DPP10: variants seen among roughly 807,000 people sequenced by gnomAD.
DPP10 encodes the protein inactive dipeptidyl peptidase 10.
A neutral mutation model predicts 120.9 loss-of-function variants in DPP10; 33 were observed. That is an observed-to-expected ratio of 0.27 (90% CI 0.21 to 0.37). DPP10 has a LOEUF of 0.37. DPP10 is among the 10% of genes least tolerant of loss of function. The probability of loss-of-function intolerance (pLI) is 1.00; values close to 1 mark genes in which losing one functional copy is unlikely to be tolerated. For missense variants in DPP10, 816 were observed against 942.8 expected (o/e 0.87, Z 1.76); for synonymous variants, 337 against 326.1 (o/e 1.03, Z -0.36).
At chr2:115,479,671 A>AT (rs2075310087) in intron 3 of DPP10, among the ~76,000 whole-genome samples, 2 of 152,132 alleles carry the variant, frequency 1.3e-5, no homozygotes, top group African/African-American at 4.8e-5. Context: ...TTTTGATGTG[A>AT]TAAAATATGG....
chr2:115,776,503 C>A (rs537881170), intron 13 of DPP10, among the ~76,000 whole-genome samples: 8 of 152,140 alleles, frequency 5.3e-5, no homozygotes, highest in Non-Finnish European at 8.8e-5. Context: ...TTTTCTTTAT[C>A]CAGTCTATCA....
At chr2:115,658,985 G>T (rs921748852) in intron 5 of DPP10, among the ~76,000 whole-genome samples, 1 of 152,076 alleles carries the variant, frequency 6.6e-6, no homozygotes, top group African/African-American at 2.4e-5. Flanking sequence ...TAATCCCGAA[G>T]CACCAGTGTT....
chr2:115,232,820 G>A (rs964401405), intron 1 of DPP10, among the ~76,000 whole-genome samples: 8 of 152,110 alleles, frequency 5.3e-5, no homozygotes, highest in African/African-American at 1.7e-4. Flanking sequence ...TTATTCAGTA[G>A]TTAACATGTG....
intron 25 of DPP10, among the ~76,000 whole-genome samples, chr2:115,841,100 A>G (rs571209781): frequency 6.6e-6 from 1 of 151,716 alleles, no homozygotes; most frequent in Non-Finnish European, 1.5e-5. Flanking sequence ...ACAAGTTTCT[A>G]CTTCCCTTCT....
intron 1 of DPP10, among the ~76,000 whole-genome samples, chr2:114,661,966 G>A (rs563919389): frequency 8.7e-4 from 131 of 151,278 alleles, no homozygotes; most frequent in Non-Finnish European, 1.3e-3. Context: ...GGATCGCGCC[G>A]TTGCACTCCA....
intron 1 of DPP10, among the ~76,000 whole-genome samples, chr2:114,867,710 C>T (rs1390035208): frequency 6.6e-6 from 1 of 152,204 alleles, no homozygotes; most frequent in Non-Finnish European, 1.5e-5. Flanking sequence ...CATGCCTCCA[C>T]GATGTCATGG....
At chr2:114,658,395 T>A (rs547156828) in intron 1 of DPP10, among the ~76,000 whole-genome samples, 1 of 152,286 alleles carries the variant, frequency 6.6e-6, no homozygotes, top group African/African-American at 2.4e-5. Flanking sequence ...GAAAGAATAG[T>A]GGCAAATAAG....
chr2:114,901,560 G>A (rs1199951822), intron 1 of DPP10, among the ~76,000 whole-genome samples: 1 of 152,226 alleles, frequency 6.6e-6, no homozygotes, highest in Non-Finnish European at 1.5e-5. Flanking sequence ...ATAGTTCCAG[G>A]TCATTCACAT....
intron 1 of DPP10, among the ~76,000 whole-genome samples, chr2:115,240,840 G>A (rs957834582): frequency 1.5e-4 from 23 of 152,152 alleles, no homozygotes; most frequent in South Asian, 4.1e-4. Context: ...AATATTTACA[G>A]TTCAGGCTTC....
chr2:115,092,103 T>C (rs1709314740), intron 1 of DPP10, among the ~76,000 whole-genome samples: 1 of 152,168 alleles, frequency 6.6e-6, no homozygotes, highest in Non-Finnish European at 1.5e-5. Context: ...GTAAAGAATT[T>C]TTAAAATAAA....
At chr2:115,325,498 A>G (rs1266774731) in intron 2 of DPP10, among the ~76,000 whole-genome samples, 1 of 152,176 alleles carries the variant, frequency 6.6e-6, no homozygotes, top group African/African-American at 2.4e-5. Flanking sequence ...TGTAAAATAC[A>G]CAATAAAGTA....
chr2:115,212,583 T>C (rs578161600), intron 1 of DPP10, among the ~76,000 whole-genome samples: 51 of 152,210 alleles, frequency 3.4e-4, no homozygotes, highest in Non-Finnish European at 5.9e-4. Context: ...AATGGTCATC[T>C]ATGGAATGAG....
chr2:115,614,096 C>A lies in DPP10; in HGVS notation c.442-75591C>A, dbSNP rs2084312479. 2.0e-5 allele frequency among the ~76,000 whole-genome samples: 3 copies of A among 152,110 alleles called. No homozygotes were observed. In the South Asian group the frequency reaches 6.2e-4, roughly 32 times the overall value. ...GTTCAGCTGGAATTCAGGGCATGCA[C>A]TGAAATGGTAAGAGACAATGGGATA... On this transcript the variant is annotated intron_variant, in intron 5 of 25. Coordinates refer to ENST00000410059, the MANE Select transcript of DPP10 (RefSeq NM_020868.6).
At chr2:115,391,091 G>A (rs1409174269) in intron 3 of DPP10, among the ~76,000 whole-genome samples, 1 of 152,144 alleles carries the variant, frequency 6.6e-6, no homozygotes, top group Non-Finnish European at 1.5e-5. Context: ...ATGCATATAG[G>A]TTTTAAGAAC....
chr2:115,603,570 G>GT (rs61548055), intron 5 of DPP10, among the ~76,000 whole-genome samples: 41,380 of 98,998 alleles, frequency 0.42, 7,871 homozygotes, highest in Admixed American at 0.52. Flanking sequence ...GTTTTTTTTT[G>GT]TTTTTTTTTT....
intron 3 of DPP10, among the ~76,000 whole-genome samples, chr2:115,450,755 A>G (rs890423461): frequency 6.6e-6 from 1 of 151,836 alleles, no homozygotes; most frequent in African/African-American, 2.4e-5. Context: ...TTTGACTCTG[A>G]ATGTTCAGGA....
chr2:115,738,344 C>G (rs1396338635), intron 8 of DPP10, among the ~76,000 whole-genome samples: 2 of 152,076 alleles, frequency 1.3e-5, no homozygotes, highest in Non-Finnish European at 2.9e-5. Context: ...TTCAAGCTTT[C>G]TTTTTTCCTG....
chr2:115,776,774 A>G (rs1219463214), intron 13 of DPP10, among the ~76,000 whole-genome samples: 2 of 152,160 alleles, frequency 1.3e-5, no homozygotes, highest in Non-Finnish European at 2.9e-5. Context: ...ATTGCATTAA[A>G]TGGCAAATCT....
chr2:115,184,725 G>C (rs1206715227), intron 1 of DPP10, among the ~76,000 whole-genome samples: 1 of 152,226 alleles, frequency 6.6e-6, no homozygotes, highest in Admixed American at 6.5e-5. Context: ...ACAGGAGATA[G>C]ATATCCTAAT....
Sources: allele counts gnomAD v4.1 joint callset (sites outside exome capture counted in the v4.1 genomes callset), GRCh38; gene constraint gnomAD v4.1.1; transcripts MANE v1.5; gene names NCBI Gene and HGNC (gene_info 2026-07-23, HGNC 2026-07-21).